BCAT1: variants seen among roughly 807,000 people sequenced by gnomAD.
BCAT1 encodes the protein branched chain amino acid transaminase 1, also known as branched-chain-amino-acid aminotransferase, cytosolic.
Under a neutral mutation model 52.4 loss-of-function variants are expected in BCAT1, and 48 were observed. The observed-to-expected ratio is 0.92, with a 90% CI of 0.73 to 1.16. BCAT1 has a LOEUF of 1.16. Among genes scored for constraint, BCAT1 ranks in the 50% most tolerant of loss-of-function variants. The pLI is 0.00. For missense variants in BCAT1, 451 were observed against 457.1 expected, an observed-to-expected ratio of 0.99 and a Z score of 0.12; for synonymous variants, 167 against 161.3, an observed-to-expected ratio of 1.04 and a Z score of -0.27.
intron 6 of BCAT1, among the ~76,000 whole-genome samples, chr12:24,844,461 T>A (rs1941271998): frequency 6.6e-6 from 1 of 151,954 alleles, no homozygotes; most frequent in South Asian, 2.1e-4. Flanking sequence ...TAAATAATAA[T>A]TTCAAGTTGG....
chr12:24,887,913 G>T (rs1304630134), intron 3 of BCAT1, among the ~76,000 whole-genome samples: 3 of 152,152 alleles, frequency 2.0e-5, no homozygotes, highest in Non-Finnish European at 4.4e-5. Flanking sequence ...ACCACATGTA[G>T]TTGGAGCTCT....
intron 3 of BCAT1, among the ~76,000 whole-genome samples, chr12:24,891,118 T>C (rs972479931): frequency 9.9e-5 from 15 of 152,172 alleles, no homozygotes; most frequent in African/African-American, 3.4e-4. Context: ...TAAACAGCAA[T>C]AGAGCTTCCA....
intron 3 of BCAT1, among the ~76,000 whole-genome samples, chr12:24,886,071 A>C (rs993478119): frequency 2.0e-5 from 3 of 152,332 alleles, no homozygotes; most frequent in African/African-American, 4.8e-5. Flanking sequence ...TGAACAAAAA[A>C]CTTGAACAAG....
chr12:24,932,235 G>A (rs939894259), intron 1 of BCAT1, among the ~76,000 whole-genome samples: 1 of 152,144 alleles, frequency 6.6e-6, no homozygotes, highest in African/African-American at 2.4e-5. Flanking sequence ...CCTCTCAGGG[G>A]CATTTCACCA....
chr12:24,866,371 T>TCCCGCCC (rs1453276710), intron 5 of BCAT1, among the ~76,000 whole-genome samples: 1 of 151,646 alleles, frequency 6.6e-6, no homozygotes, highest in African/African-American at 2.4e-5. Context: ...TGCCTGAGCC[T>TCCCGCCC]CCCGCCCCCC....
chr12:24,824,279 C>T (rs1176291752), intron 10 of BCAT1, among the ~76,000 whole-genome samples: 2 of 147,286 alleles, frequency 1.4e-5, no homozygotes, highest in African/African-American at 5.1e-5. Context: ...TCCCTCCCTC[C>T]CTCCCTCCCT....
intron 3 of BCAT1, among the ~76,000 whole-genome samples, chr12:24,883,247 C>T (rs1942554840): frequency 6.6e-6 from 1 of 152,182 alleles, no homozygotes; most frequent in South Asian, 2.1e-4. Context: ...GATCACGCTG[C>T]TGCACTCCAG....
chr12:24,924,474 T>A (rs188946370), intron 1 of BCAT1, among the ~76,000 whole-genome samples: 1 of 152,288 alleles, frequency 6.6e-6, no homozygotes, highest in Non-Finnish European at 1.5e-5. Context: ...AAACTTAACA[T>A]GACTAATGCA....
In BCAT1 at chr12:24,817,843, AT is replaced by A. The variant is rs1186064162; in HGVS notation, c.*164del. ...AAACACCATTTGATGATTGCAATTCATTTTCTCTGGCATGAAGAAACAATCA... is the reference window on the plus strand; with the variant it reads ...AAACACCATTTGATGATTGCAATTCATTTCTCTGGCATGAAGAAACAATCA... On this transcript the variant is annotated 3_prime_UTR_variant, in exon 11 of 11. Transcript: ENST00000261192. 7.3e-6 allele frequency: 5 copies of A among 688,238 alleles called. No individual in the cohort carries two copies. In the East Asian group the frequency reaches 1.1e-4, roughly 15 times the overall value. 42.6% of individuals were successfully genotyped at this position (688,238 alleles called of 1,614,324 possible).
At chr12:24,872,618 G>T (rs1344161286) in intron 5 of BCAT1, among the ~76,000 whole-genome samples, 1 of 152,144 alleles carries the variant, frequency 6.6e-6, no homozygotes, top group Non-Finnish European at 1.5e-5. Context: ...TGAAAAAGAG[G>T]AATTAATTAA....
Position 24,816,831 on chromosome 12 carries a change from A to G in BCAT1, c.*1177T>C. 2.8e-6 allele frequency: 1 copy of G among 353,498 alleles called. No homozygotes were observed. Among genetic ancestry groups the G allele is most frequent in the Non-Finnish European group, 5.1e-6 (1 of 197,172 alleles). The allele number at this position is 353,498 out of a possible 1,614,324, so 21.9% of individuals were successfully genotyped here. On this transcript the variant is annotated 3_prime_UTR_variant, in exon 11 of 11. Transcript: ENST00000261192. ...CATTAGATTCTCATAAGGAGCGCAT[A>G]GCCTAGATCCCTTGCATGCAGAGTT...
At chr12:24,836,922 GAAAGAA>G (rs1940975308) in intron 7 of BCAT1, among the ~76,000 whole-genome samples, 1 of 78,882 alleles carries the variant, frequency 1.3e-5, no homozygotes, top group Non-Finnish European at 2.8e-5. Flanking sequence ...AAGAAAGAAA[GAAAGAA>G]AGAAAGAAAG....
chr12:24,830,771 T>C (rs1940627995), intron 9 of BCAT1: 1 of 152,186 alleles, frequency 6.6e-6, no homozygotes, highest in South Asian at 2.1e-4. Context: ...TCACATTACC[T>C]TGATGCATTC....
chr12:24,853,097 G>C (rs1233175836), intron 5 of BCAT1, among the ~76,000 whole-genome samples: 1 of 152,088 alleles, frequency 6.6e-6, no homozygotes, highest in Non-Finnish European at 1.5e-5. Context: ...CTGTGCTACT[G>C]TTAAGAGTAT....
At position 24,815,339 on chromosome 12, in the gene BCAT1, T is replaced by G. The variant is rs1780571830; in HGVS notation, c.*2669A>C. On this transcript the variant is annotated 3_prime_UTR_variant, in exon 11 of 11. Coordinates refer to ENST00000261192, the MANE Select transcript of BCAT1 (RefSeq NM_005504.7). ...CTGAATCTCATTTGATCAACCCAAT[T>G]AAACATTAAATAATTGCAGCCAATT... The G allele has an allele frequency of 6.6e-6, 1 of 152,646 alleles. No homozygotes were observed. Among genetic ancestry groups the G allele is most frequent in the Admixed American group, 6.6e-5 (1 of 15,266 alleles). The allele number at this position is 152,646 out of a possible 1,614,324, so 9.5% of individuals were successfully genotyped here.
At chr12:24,870,507 C>A (rs1384991072) in intron 5 of BCAT1, among the ~76,000 whole-genome samples, 1 of 152,172 alleles carries the variant, frequency 6.6e-6, no homozygotes, top group Non-Finnish European at 1.5e-5. Context: ...CATCAATATG[C>A]ACTCATTTAG....
rs372938603 is a variant in BCAT1 at position 24,850,339 on chromosome 12, A to C, written c.511-390T>G. On this transcript the variant is annotated intron_variant, in intron 5 of 10. Coordinates refer to ENST00000261192, the MANE Select transcript of BCAT1 (RefSeq NM_005504.7). ...TTTTAGGCTTTGGGGGGTAAAATAT[A>C]ATATTTACTTCTCTAACTCATCCTT... Among the ~76,000 whole-genome samples the C allele has an allele frequency of 4.7e-4, 72 of 152,296 alleles. No homozygotes were observed. In the South Asian group the frequency reaches 6.8e-3, roughly 14 times the overall value.
intron 1 of BCAT1, among the ~76,000 whole-genome samples, chr12:24,945,196 G>A (rs752564048): frequency 8.5e-5 from 13 of 152,162 alleles, no homozygotes; most frequent in Non-Finnish European, 1.5e-4. Flanking sequence ...TCTCCTTTGC[G>A]TTCACCATTG....
chr12:24,894,920 C>T (rs1347193564), intron 2 of BCAT1, among the ~76,000 whole-genome samples: 1 of 152,208 alleles, frequency 6.6e-6, no homozygotes, highest in Admixed American at 6.5e-5. Flanking sequence ...AATGGTTACA[C>T]TCCAACTGCC....
Sources: allele counts gnomAD v4.1 joint callset (sites outside exome capture counted in the v4.1 genomes callset), GRCh38; gene constraint gnomAD v4.1.1; transcripts MANE v1.5; gene names NCBI Gene and HGNC (gene_info 2026-07-23, HGNC 2026-07-21).